Variants in MAD1L1 observed in about 807,000 individuals in gnomAD.
MAD1L1 encodes the protein mitotic arrest deficient 1 like 1, also known as mitotic spindle assembly checkpoint protein MAD1.
Under a neutral mutation model 96.9 loss-of-function variants are expected in MAD1L1, and 95 were observed. The observed-to-expected ratio is 0.98, with a 90% CI of 0.83 to 1.16. The LOEUF (loss-of-function observed/expected upper bound fraction) is 1.16. Ranked by LOEUF, MAD1L1 falls within the 50% of genes most tolerant of loss-of-function variation. The pLI is 0.00. For synonymous variants in MAD1L1, 473 were observed against 396.6 expected, an observed-to-expected ratio of 1.19 and a Z score of -2.29; for missense variants, 1,007 against 954.4, an observed-to-expected ratio of 1.06 and a Z score of -0.73.
At chr7:1,959,798 G>C (rs1160771734) in intron 15 of MAD1L1, among the ~76,000 whole-genome samples, 1 of 152,296 alleles carries the variant, frequency 6.6e-6, no homozygotes, top group South Asian at 2.1e-4. Flanking sequence ...GTCAGGTAAG[G>C]CCTGCAGGTG....
At chr7:2,108,859 G>C (rs1449690868) in intron 11 of MAD1L1, among the ~76,000 whole-genome samples, 1 of 152,224 alleles carries the variant, frequency 6.6e-6, no homozygotes, top group African/African-American at 2.4e-5. Context: ...CCAGGAGCCG[G>C]CCCGATCCAC....
intron 17 of MAD1L1, among the ~76,000 whole-genome samples, chr7:1,909,904 A>G (rs1363670771): frequency 6.6e-6 from 1 of 152,088 alleles, no homozygotes; most frequent in Non-Finnish European, 1.5e-5. Context: ...GGAATTACAC[A>G]CGGAGGAGCC....
intron 11 of MAD1L1, among the ~76,000 whole-genome samples, chr7:2,070,682 T>A (rs1319942815): frequency 6.6e-6 from 1 of 152,032 alleles, no homozygotes; most frequent in Non-Finnish European, 1.5e-5. Flanking sequence ...CTTAACTAAA[T>A]CTCAAGGAAA....
rs116140235 is a variant in MAD1L1, at chr7:2,151,300, C to A, written c.987-2062G>T. Among the ~76,000 whole-genome samples the A allele has an allele frequency of 2.4e-3, 369 of 152,364 alleles. 3 individuals are homozygous for A. The highest frequency in any genetic ancestry group is 8.5e-3 in the African/African-American group (352 of 41,588). On this transcript the variant is annotated intron_variant, in intron 10 of 18. Transcript: ENST00000265854. Reference sequence around the variant, plus strand: ...CCACATCTGCAACGGCGCCTCCCAGCCCCTGTGCCCAGAACCAGCGGCAGG... The same window carrying A: ...CCACATCTGCAACGGCGCCTCCCAGACCCTGTGCCCAGAACCAGCGGCAGG...
intron 13 of MAD1L1, among the ~76,000 whole-genome samples, chr7:2,013,984 A>G (rs1468663839): frequency 6.6e-6 from 1 of 152,228 alleles, no homozygotes; most frequent in Non-Finnish European, 1.5e-5. Context: ...CCCTGGAGCC[A>G]GGAGAGGGAT....
chr7:1,952,556 T>G (rs1451000754), intron 16 of MAD1L1, among the ~76,000 whole-genome samples: 1 of 142,376 alleles, frequency 7.0e-6, no homozygotes, highest in Admixed American at 7.2e-5. Context: ...CGCTGTGCCC[T>G]GGCTTAGAGC....
At chr7:2,116,570 G>C (rs3778974) in intron 11 of MAD1L1, among the ~76,000 whole-genome samples, 25 of 121,064 alleles carry the variant, frequency 2.1e-4, no homozygotes, top group South Asian at 2.0e-3. Flanking sequence ...AGAGGGTTGG[G>C]GGGGGGGGGG....
chr7:1,895,846 T>C (rs544278645), intron 18 of MAD1L1, among the ~76,000 whole-genome samples: 1 of 152,284 alleles, frequency 6.6e-6, no homozygotes, highest in South Asian at 2.1e-4. Flanking sequence ...CAGGCCGTGG[T>C]CCAGAAGGTC....
chr7:1,903,654 T>C (rs1396455171), intron 17 of MAD1L1, among the ~76,000 whole-genome samples: 848 of 85,132 alleles, frequency 1.0e-2, no homozygotes, highest in Middle Eastern at 0.061. Flanking sequence ...TTCCAGGCAG[T>C]GAGGACGCAG....
intron 11 of MAD1L1, among the ~76,000 whole-genome samples, chr7:2,136,652 C>G (rs116477365): frequency 3.0e-4 from 46 of 152,384 alleles, no homozygotes; most frequent in African/African-American, 1.1e-3. Context: ...TCTGAGCCAG[C>G]TGCATTCCTC....
chr7:2,094,808 G>A (rs1052951842), intron 11 of MAD1L1, among the ~76,000 whole-genome samples: 7 of 152,068 alleles, frequency 4.6e-5, no homozygotes, highest in Admixed American at 3.9e-4. Flanking sequence ...GACCAAACAC[G>A]GCAAAAGTGA....
At chr7:2,049,882 C>T (rs1161705877) in intron 12 of MAD1L1, among the ~76,000 whole-genome samples, 1 of 151,492 alleles carries the variant, frequency 6.6e-6, no homozygotes, top group African/African-American at 2.4e-5. Flanking sequence ...CTGCAGGCAC[C>T]AGACCACACG....
chr7:1,838,302 T>G (rs1783044440), intron 18 of MAD1L1, among the ~76,000 whole-genome samples: 1 of 152,202 alleles, frequency 6.6e-6, no homozygotes, highest in Admixed American at 6.5e-5. Flanking sequence ...TAAATTACCA[T>G]GTGACCCTGG....
At chr7:1,989,554 G>A (rs1006775770) in intron 14 of MAD1L1, among the ~76,000 whole-genome samples, 23 of 152,252 alleles carry the variant, frequency 1.5e-4, no homozygotes, top group African/African-American at 5.3e-4. Context: ...CATGTGCGCT[G>A]CCCAGACCCA....
At chr7:1,980,306 G>A (rs1198601470) in intron 15 of MAD1L1, 147 bp downstream of exon 15, 1 of 661,812 alleles carries the variant, frequency 1.5e-6, no homozygotes, top group Non-Finnish European at 2.6e-6. Context: ...CTTCCTCCGT[G>A]GGACACACCT....
rs1264694923 is a variant in MAD1L1 at position 1,968,513 on chromosome 7, G to A, written c.1506-10794C>T. ...CCACTGTCCATGCCTCAGTCCGGCGGTCAGGTCCACCGTCAATGCCAGCGG... is the reference window on the plus strand; with the variant it reads ...CCACTGTCCATGCCTCAGTCCGGCGATCAGGTCCACCGTCAATGCCAGCGG... On this transcript the variant is annotated intron_variant, in intron 15 of 18. Transcript: ENST00000265854. The surrounding 1 kb of genome is among the most constrained non-coding windows in gnomAD (Gnocchi z 5.6). 6.7e-6 allele frequency among the ~76,000 whole-genome samples: 1 copy of A among 148,290 alleles called. No homozygotes were observed. Among genetic ancestry groups the A allele is most frequent in the Non-Finnish European group, 1.5e-5 (1 of 67,298 alleles).
intron 18 of MAD1L1, chr7:1,872,761 G>A (rs975848148): frequency 6.6e-6 from 1 of 152,276 alleles, no homozygotes; most frequent in African/African-American, 2.4e-5. Flanking sequence ...AACGCTTGCT[G>A]AACGAATAAA....
chr7:2,021,124 C>CAGAAGG (rs1477901333), intron 12 of MAD1L1, among the ~76,000 whole-genome samples: 1 of 152,130 alleles, frequency 6.6e-6, no homozygotes, highest in East Asian at 1.9e-4. Context: ...ACAGGAAAAC[C>CAGAAGG]AGAAGGAGAA....
chr7:2,072,224 C>T (rs1359844378), intron 11 of MAD1L1, among the ~76,000 whole-genome samples: 1 of 152,202 alleles, frequency 6.6e-6, no homozygotes, highest in South Asian at 2.1e-4. Context: ...CTGAGCTGAA[C>T]GGCTGGTGTC....
Sources: allele counts gnomAD v4.1 joint callset (sites outside exome capture counted in the v4.1 genomes callset), GRCh38; gene constraint gnomAD v4.1.1; non-coding constraint Gnocchi (gnomAD v3.1); transcripts MANE v1.5; gene names NCBI Gene and HGNC (gene_info 2026-07-23, HGNC 2026-07-21).